OPHN1: variants seen among roughly 807,000 people sequenced by gnomAD.
The protein encoded by OPHN1 is oligophrenin 1.
Under a neutral mutation model 60.7 loss-of-function variants are expected in OPHN1, and 11 were observed. The observed-to-expected ratio is 0.18, with a 90% CI of 0.11 to 0.30. OPHN1 has a LOEUF of 0.30. Among genes scored for constraint, OPHN1 ranks in the 10% least tolerant of loss-of-function variants. The pLI, the probability that OPHN1 is intolerant of heterozygous loss-of-function variation, is 1.00. For missense variants in OPHN1, 449 were observed against 611.0 expected (o/e 0.73, Z 2.80); for synonymous variants, 226 against 222.6 (o/e 1.02, Z -0.14).
At chrX:68,317,360 A>G (rs182833991) in intron 2 of OPHN1, among the ~76,000 whole-genome samples, 4 of 66,579 alleles carry the variant, frequency 6.0e-5, no homozygotes, top group African/African-American at 2.8e-4. Flanking sequence ...AGAAAGAAAG[A>G]AAGAAAGAAA....
At chrX:68,179,257 T>A (rs1370692956) in intron 15 of OPHN1, among the ~76,000 whole-genome samples, 2 of 112,260 alleles carry the variant, frequency 1.8e-5, no homozygotes, top group Non-Finnish European at 3.8e-5. Flanking sequence ...CTAACAAGTA[T>A]AGCCTCTCTA....
Position 68,064,091 on chromosome X carries a change from G to A in OPHN1, c.1921C>T (p.Gln641Ter). ...CCAGGATCAGTTTCCCCACTCCTCT[G>A]AATAGGTAGTTTGGGGTGTTGTGGT... is the stretch of plus-strand genomic sequence containing the variant. ...KPPQHPKLPI[Q>*]RSGETDPGRK... The change falls in exon 21 of 25, where the codon CAG becomes TAG. Residue 641 changes from glutamine (Q) to a stop codon, truncating the protein, a stop_gained. Transcript: ENST00000355520. LOFTEE classifies it high-confidence loss of function. 1 of 1,210,317 alleles carries A rather than the reference G, an allele frequency of 8.3e-7. No individual in the cohort carries two copies. The highest frequency in any genetic ancestry group is 1.1e-6 in the Non-Finnish European group (1 of 894,795).
intron 2 of OPHN1, among the ~76,000 whole-genome samples, chrX:68,421,383 C>G (rs1370933451): frequency 8.9e-6 from 1 of 111,825 alleles, no homozygotes; most frequent in Non-Finnish European, 1.9e-5. Context: ...CAATATTTCC[C>G]ATGTTTTAGA....
At chrX:68,392,412 G>A (rs1334754568) in intron 2 of OPHN1, among the ~76,000 whole-genome samples, 1 of 110,587 alleles carries the variant, frequency 9.0e-6, no homozygotes, top group Non-Finnish European at 1.9e-5. Flanking sequence ...AAGTTATAAG[G>A]AGATTTTTTA....
chrX:68,165,533 C>T (rs761430384), intron 15 of OPHN1, among the ~76,000 whole-genome samples: 2 of 111,236 alleles, frequency 1.8e-5, no homozygotes, highest in East Asian at 5.6e-4. Context: ...GTTTGTGGCA[C>T]CCTAAAGCAA....
At chrX:68,213,229 G>T (rs762747450) in intron 7 of OPHN1, among the ~76,000 whole-genome samples, 18 of 111,067 alleles carry the variant, frequency 1.6e-4, no homozygotes, top group South Asian at 3.9e-4. Flanking sequence ...ATATTAGCTC[G>T]GTATGGAGGC....
intron 15 of OPHN1, among the ~76,000 whole-genome samples, chrX:68,176,161 T>A (rs12012274): frequency 0.14 from 15,595 of 111,294 alleles, 899 homozygotes; most frequent in African/African-American, 0.22. Flanking sequence ...TATTTAGCAA[T>A]AATTTTTTGA....
chrX:68,229,582 A>C (rs1312941361), intron 6 of OPHN1, among the ~76,000 whole-genome samples: 4 of 111,536 alleles, frequency 3.6e-5, no homozygotes, highest in Non-Finnish European at 5.6e-5. Context: ...CCAATGGAAC[A>C]GAATAGATCC....
intron 2 of OPHN1, among the ~76,000 whole-genome samples, chrX:68,358,736 C>G (rs1569291112): frequency 9.0e-6 from 1 of 111,706 alleles, no homozygotes; most frequent in Non-Finnish European, 1.9e-5. Context: ...GACTTCATAC[C>G]ATCAAAACTC....
chrX:68,132,701 A>T (rs1047074622), intron 15 of OPHN1, among the ~76,000 whole-genome samples: 10 of 103,774 alleles, frequency 9.6e-5, no homozygotes, highest in East Asian at 3.2e-4. Flanking sequence ...AAGTATAATT[A>T]AAAAAAAATA....
chrX:68,220,462 G>A (rs1273195753), intron 6 of OPHN1, among the ~76,000 whole-genome samples: 3 of 109,644 alleles, frequency 2.7e-5, no homozygotes, highest in Non-Finnish European at 3.8e-5. Context: ...ACCAAAGCCT[G>A]GCAGAGACAC....
At chrX:68,050,477 T>C (rs1334317710) in intron 23 of OPHN1, among the ~76,000 whole-genome samples, 3 of 111,833 alleles carry the variant, frequency 2.7e-5, no homozygotes, top group South Asian at 3.8e-4. Context: ...GCCCAGCCCA[T>C]TGGTAGTGGC....
At chrX:68,380,501 A>T (rs1301953967) in intron 2 of OPHN1, among the ~76,000 whole-genome samples, 2 of 110,250 alleles carry the variant, frequency 1.8e-5, no homozygotes, top group Non-Finnish European at 3.8e-5. Context: ...TTGCTTTTCT[A>T]GTTCTTTTAG....
At position 68,158,959 on chromosome X, in the gene OPHN1, G is replaced by A. The variant is rs1366202190; in HGVS notation, c.1276+33960C>T. ...CAAGGCAGAGGTTCCATGCAGGGAG[G>A]GGGAAGCCAAGAAGACCACGGGTTA... On this transcript the variant is annotated intron_variant, in intron 15 of 24. Transcript: ENST00000355520. Among the ~76,000 whole-genome samples the A allele has an allele frequency of 2.1e-4, 23 of 111,597 alleles. No homozygotes were observed. The Admixed American group carries it at 2.2e-3, about 11-fold the overall frequency.
At chrX:68,382,825 C>A (rs1440201897) in intron 2 of OPHN1, among the ~76,000 whole-genome samples, 5 of 111,603 alleles carry the variant, frequency 4.5e-5, no homozygotes, top group Middle Eastern at 4.6e-3. Context: ...AAGAATAGAT[C>A]TTGTATCTAT....
chrX:68,294,473 CAAAAAAAAAAAAA>C (rs570989143), intron 3 of OPHN1, among the ~76,000 whole-genome samples: 30 of 10,655 alleles, frequency 2.8e-3, no homozygotes, highest in Admixed American at 9.6e-3. Context: ...GACTCTATCA[CAAAAAAAAAAAAA>C]AAAAAAAAAA....
intron 2 of OPHN1, among the ~76,000 whole-genome samples, chrX:68,380,214 C>T (rs997293455): frequency 4.7e-4 from 53 of 111,614 alleles, no homozygotes; most frequent in African/African-American, 1.6e-3. Context: ...AGTTTATTTG[C>T]ATAGAGGTGT....
At chrX:68,317,539 AAAAG>A (rs762679584) in intron 2 of OPHN1, among the ~76,000 whole-genome samples, 8,515 of 58,759 alleles carry the variant, frequency 0.14, 694 homozygotes, top group East Asian at 0.43. Context: ...AAGAAAGAAA[AAAAG>A]AAAGAAAGAA....
Position 68,298,381 on chromosome X carries a change from C to T in OPHN1, c.250+620G>A, listed in dbSNP as rs747072378. 7.1e-5 allele frequency among the ~76,000 whole-genome samples: 8 copies of T among 112,002 alleles called. No individual in the cohort carries two copies. In the South Asian group the frequency reaches 1.9e-3, roughly 26 times the overall value. On this transcript the variant is annotated intron_variant, in intron 3 of 24. Coordinates refer to ENST00000355520, the MANE Select transcript of OPHN1 (RefSeq NM_002547.3). ...AATAGGCCCAGGGGTTTGTTAACCTCTCCTCTTTACCTTCATAACAAATAA... is the reference window on the plus strand; with the variant it reads ...AATAGGCCCAGGGGTTTGTTAACCTTTCCTCTTTACCTTCATAACAAATAA...
Sources: allele counts gnomAD v4.1 joint callset (sites outside exome capture counted in the v4.1 genomes callset), GRCh38; gene constraint gnomAD v4.1.1; transcripts MANE v1.5; gene names NCBI Gene and HGNC (gene_info 2026-07-23, HGNC 2026-07-21).